The following NR4A3 variants were observed in gnomAD, a reference collection of about 807,000 sequenced individuals.
The protein encoded by NR4A3 is chondrosarcoma, extraskeletal myxoid, fused to EWS.
A neutral mutation model predicts 55.6 loss-of-function variants in NR4A3; 13 were observed. The ratio of observed to expected loss-of-function variants is 0.23; its 90% CI spans 0.15 to 0.37. The LOEUF (loss-of-function observed/expected upper bound fraction) is 0.37, where lower values mean the gene tolerates loss of function less well. Among genes scored for constraint, NR4A3 ranks in the 10% least tolerant of loss-of-function variants. NR4A3 has a pLI of 1.00. For missense variants in NR4A3, 646 were observed against 822.8 expected, an observed-to-expected ratio of 0.79 and a Z score of 2.63; for synonymous variants, 342 against 357.9, an observed-to-expected ratio of 0.96 and a Z score of 0.50.
At chr9:99,839,752 T>A (rs536331571) in intron 5 of NR4A3, among the ~76,000 whole-genome samples, 1 of 152,140 alleles carries the variant, frequency 6.6e-6, no homozygotes, top group South Asian at 2.1e-4. Context: ...TGGAAAAAAA[T>A]TAGTATAAAC....
rs754547238 is a variant in NR4A3, at chr9:99,828,330, C to G, written c.288C>G (p.His96Gln). The change falls in exon 3 of 8, where the codon CAC (histidine) becomes CAG (glutamine). Residue 96 changes from histidine (H) to glutamine (Q), a missense_variant. By Grantham distance (24) the His-to-Gln change is conservative. Coordinates refer to ENST00000395097, the MANE Select transcript of NR4A3 (RefSeq NM_006981.4). This position sits in a 1 kb window ranked among gnomAD's most constrained non-coding sequence, Gnocchi z 7.7. ...AGGGGCGGGCGCCCAGCTACCATCA[C>G]CATCACCACCACCACCACCACCACC... Reference protein sequence around the residue: ...VEEGRAPSYHHHHHHHHHHHH... With the variant: ...VEEGRAPSYHQHHHHHHHHHH... 6.2e-7 allele frequency: 1 copy of G among 1,609,442 alleles called. No homozygotes were observed. The highest frequency in any genetic ancestry group is 1.3e-5 in the African/African-American group (1 of 74,880).
rs766171209 is a variant in NR4A3 at position 99,828,322 on chromosome 9, TACCATC to T, written c.291_296del (p.His107_His108del). On this transcript the variant is annotated inframe_deletion, in exon 3 of 8. Coordinates refer to ENST00000395097, the MANE Select transcript of NR4A3 (RefSeq NM_006981.4). The surrounding 1 kb of genome is among the most constrained non-coding windows in gnomAD (Gnocchi z 7.7). ...AGTGGAGGAGGGGCGGGCGCCCAGCTACCATCACCATCACCACCACCACCACCACCA... is the reference window on the plus strand; with the variant it reads ...AGTGGAGGAGGGGCGGGCGCCCAGCTACCATCACCACCACCACCACCACCA... The T allele has an allele frequency of 5.6e-6, 9 of 1,611,118 alleles. No homozygotes were observed. Among genetic ancestry groups the T allele is most frequent in the Admixed American group, 1.7e-5 (1 of 59,886 alleles).
chr9:99,837,514 T>C (rs1827577702), intron 5 of NR4A3, among the ~76,000 whole-genome samples: 1 of 152,148 alleles, frequency 6.6e-6, no homozygotes, highest in African/African-American at 2.4e-5. Context: ...CAATTTATTA[T>C]ATTTTTGAAC....
At chr9:99,826,753 C>T in intron 2 of NR4A3, 2 of 1,613,296 alleles carry the variant, frequency 1.2e-6, no homozygotes, top group Non-Finnish European at 1.7e-6. Context: ...TTTTTCAAGT[C>T]AAGATTTCAT....
chr9:99,845,947 T>C (rs1323941695), intron 6 of NR4A3, among the ~76,000 whole-genome samples: 1 of 152,212 alleles, frequency 6.6e-6, no homozygotes, highest in Admixed American at 6.5e-5. Context: ...GCCAGCAATG[T>C]GACTGTCATC....
chr9:99,836,844 C>G (rs1327230262), intron 5 of NR4A3, among the ~76,000 whole-genome samples: 1 of 152,192 alleles, frequency 6.6e-6, no homozygotes, highest in Non-Finnish European at 1.5e-5. Flanking sequence ...ATGAGTGCTC[C>G]CCTTTCTCTA....
rs1056137670 is a variant in NR4A3, at chr9:99,828,813, G to A, written c.771G>A (p.Pro257=). The A allele has an allele frequency of 6.8e-7, 1 of 1,472,498 alleles. No individual in the cohort carries two copies. The highest frequency in any genetic ancestry group is 9.0e-7 in the Non-Finnish European group (1 of 1,115,970). 91.2% of individuals were successfully genotyped at this position (1,472,498 alleles called of 1,614,324 possible). The change falls in exon 3 of 8, where the codon CCG becomes CCA. Residue 257 remains proline (P), a synonymous_variant. Transcript: ENST00000395097. The surrounding 1 kb of genome is among the most constrained non-coding windows in gnomAD (Gnocchi z 7.7). ...AGAGGGCGGCCCCGCTGGCCTTCCC[G>A]CCTCTCGGCCTCACGCCCTCCCCTA... ...LAKRAAPLAF[P]PLGLTPSPTA... is the part of the protein sequence containing the mutation.
chr9:99,829,819 G>T (rs1490615636), intron 3 of NR4A3, among the ~76,000 whole-genome samples: 2 of 152,162 alleles, frequency 1.3e-5, no homozygotes, highest in African/African-American at 4.8e-5. Context: ...TTTACAGTGG[G>T]AGGGCCATCA....
At chr9:99,852,211 G>A (rs1008131951) in intron 7 of NR4A3, among the ~76,000 whole-genome samples, 1 of 152,210 alleles carries the variant, frequency 6.6e-6, no homozygotes, top group African/African-American at 2.4e-5. Flanking sequence ...GAAGGAAAGA[G>A]AACAGCAAGG....
At chr9:99,861,052 A>G (rs1828000551) in intron 7 of NR4A3, among the ~76,000 whole-genome samples, 1 of 152,224 alleles carries the variant, frequency 6.6e-6, no homozygotes, top group Admixed American at 6.5e-5. Context: ...TGAGCCTTAG[A>G]GAAATTAGGT....
intron 7 of NR4A3, among the ~76,000 whole-genome samples, chr9:99,853,321 C>CTTTTTTTTTTT (rs71370971): frequency 3.2e-5 from 4 of 123,398 alleles, no homozygotes; most frequent in African/African-American, 9.2e-5. Context: ...TAGGGAATTT[C>CTTTTTTTTTTT]TTTTTTTTTT....
chr9:99,849,513 T>C (rs1392632196), intron 7 of NR4A3, among the ~76,000 whole-genome samples: 1 of 152,192 alleles, frequency 6.6e-6, no homozygotes, highest in African/African-American at 2.4e-5. Flanking sequence ...CACAAGCATA[T>C]TACTTCATCA....
rs192738154 is a variant in NR4A3, at chr9:99,827,356, A to G, written c.-2-685A>G. The stretch of plus-strand genomic sequence containing the variant: ...GATCTTTTTCTTTGCAGATGGTACA[A>G]ACTCTCCCGAGTCAATTTCCTGGGC... On this transcript the variant is annotated intron_variant, in intron 2 of 7. Coordinates refer to ENST00000395097, the MANE Select transcript of NR4A3 (RefSeq NM_006981.4). Among the ~76,000 whole-genome samples, 671 of 150,922 alleles carry G rather than the reference A, an allele frequency of 4.4e-3. 7 individuals are homozygous for G. The highest frequency in any genetic ancestry group is 0.015 in the African/African-American group (633 of 40,966).
chr9:99,847,710 G>A (rs1827779301), intron 7 of NR4A3, 95 bp downstream of exon 7: 3 of 1,178,336 alleles, frequency 2.5e-6, no homozygotes, highest in South Asian at 1.5e-5. Context: ...CCAGAAAAGT[G>A]GGAAAATGAC....
intron 7 of NR4A3, among the ~76,000 whole-genome samples, chr9:99,858,541 T>C: frequency 6.6e-6 from 1 of 152,232 alleles, no homozygotes. Flanking sequence ...TCAATAAATA[T>C]TTGTTGAAAG....
At position 99,827,258 on chromosome 9, in the gene NR4A3, A is replaced by ATGTG. The variant is rs35554489; in HGVS notation, c.-2-753_-2-750dup. Among the ~76,000 whole-genome samples the ATGTG allele has an allele frequency of 3.5e-3, 502 of 145,096 alleles. 1 individual carries two copies. Among genetic ancestry groups the ATGTG allele is most frequent in the African/African-American group, 9.2e-3 (360 of 38,944 alleles). On this transcript the variant is annotated intron_variant, in intron 2 of 7. Coordinates refer to ENST00000395097, the MANE Select transcript of NR4A3 (RefSeq NM_006981.4). ...TATTAGTTAGAATTGGGATATATAT[A>ATGTG]TGTGTGTGTGTGTGTGTGTGTGTGT...
intron 5 of NR4A3, among the ~76,000 whole-genome samples, chr9:99,834,437 CT>C (rs1166092025): frequency 2.0e-5 from 3 of 152,148 alleles, no homozygotes; most frequent in Non-Finnish European, 4.4e-5. Context: ...TCATTTAATC[CT>C]TTAAACCACC....
chr9:99,828,858 C>G lies in NR4A3; in HGVS notation c.816C>G (p.Gly272=), dbSNP rs577596679. ...TPSPTASSLL[G]ESPSLPSPPS... is the part of the protein sequence containing the mutation. ...CCCCTACCGCGTCCAGCCTGCTGGG[C>G]GAGAGTCCCAGCCTGCCGTCGCCGC... Residue 272 remains glycine, a synonymous_variant, in exon 3 of 8, where the codon GGC becomes GGG. Coordinates refer to ENST00000395097, the MANE Select transcript of NR4A3 (RefSeq NM_006981.4). This position sits in a 1 kb window ranked among gnomAD's most constrained non-coding sequence, Gnocchi z 7.7. 6 of 1,497,214 alleles carry G rather than the reference C, an allele frequency of 4.0e-6. No individual in the cohort carries two copies. The highest frequency in any genetic ancestry group is 3.7e-5 in the South Asian group (3 of 81,008). 92.7% of individuals were successfully genotyped at this position (1,497,214 alleles called of 1,614,324 possible).
At chr9:99,849,072 A>C (rs143848347) in intron 7 of NR4A3, among the ~76,000 whole-genome samples, 4 of 152,222 alleles carry the variant, frequency 2.6e-5, no homozygotes, top group Non-Finnish European at 5.9e-5. Context: ...CAGAGCATCA[A>C]ATGCAACCTC....
Sources: gnomAD v4.1 joint callset for allele counts (sites outside exome capture counted in the v4.1 genomes callset) on GRCh38, gnomAD v4.1.1 for gene constraint, Gnocchi (gnomAD v3.1) non-coding constraint, MANE v1.5 for transcripts, NCBI Gene and HGNC (gene_info 2026-07-23, HGNC 2026-07-21) for gene names.